NDST4: variants seen among roughly 807,000 people sequenced by gnomAD.
NDST4 encodes the protein N-heparan sulfate sulfotransferase 4.
A neutral mutation model predicts 100.8 loss-of-function variants in NDST4; 63 were observed. The ratio of observed to expected loss-of-function variants is 0.62; its 90% CI spans 0.51 to 0.77. The LOEUF (loss-of-function observed/expected upper bound fraction) is 0.77. Among genes scored for constraint, NDST4 ranks in the 30% least tolerant of loss-of-function variants. The pLI is 0.00. For missense variants in NDST4, 943 were observed against 1,018.4 expected, an observed-to-expected ratio of 0.93 and a Z score of 1.01; for synonymous variants, 377 against 361.8, an observed-to-expected ratio of 1.04 and a Z score of -0.48.
intron 6 of NDST4, among the ~76,000 whole-genome samples, chr4:114,918,175 A>C (rs1162401072): frequency 6.6e-6 from 1 of 152,120 alleles, no homozygotes; most frequent in African/African-American, 2.4e-5. Flanking sequence ...AACTTGTGCC[A>C]ACTTTATTAA....
At chr4:114,880,162 T>C (rs1724336240) in intron 6 of NDST4, among the ~76,000 whole-genome samples, 2 of 152,188 alleles carry the variant, frequency 1.3e-5, no homozygotes, top group Non-Finnish European at 2.9e-5. Flanking sequence ...CTATTTTTCT[T>C]GTACATTAAT....
At chr4:114,831,047 C>T (rs1723185833) in intron 12 of NDST4, among the ~76,000 whole-genome samples, 1 of 151,968 alleles carries the variant, frequency 6.6e-6, no homozygotes, top group South Asian at 2.1e-4. Flanking sequence ...CCAACCTGGA[C>T]TTTTCTTTTT....
intron 2 of NDST4, among the ~76,000 whole-genome samples, chr4:115,003,224 T>TA (rs1367632561): frequency 6.6e-6 from 1 of 152,146 alleles, no homozygotes; most frequent in Non-Finnish European, 1.5e-5. Flanking sequence ...TCTGCATATG[T>TA]ATCCCAGAAC....
At chr4:114,933,312 A>C (rs537333067) in intron 6 of NDST4, among the ~76,000 whole-genome samples, 1 of 152,252 alleles carries the variant, frequency 6.6e-6, no homozygotes, top group South Asian at 2.1e-4. Flanking sequence ...CACCATATTT[A>C]AAAATCAACT....
rs1578395038 is a variant in NDST4 at position 114,929,113 on chromosome 4, C to CATCCATCT, written c.1536+6092_1536+6093insAGATGGAT. On this transcript the variant is annotated intron_variant, in intron 6 of 13. Coordinates refer to ENST00000264363, the MANE Select transcript of NDST4 (RefSeq NM_022569.3). Reference sequence around the variant, plus strand: ...CCATCCATCCATCCATCCATCCATCCATCTATCTATCTATCTATCTATCTA... The same window carrying CATCCATCT: ...CCATCCATCCATCCATCCATCCATCCATCCATCTATCTATCTATCTATCTATCTATCTA... Among the ~76,000 whole-genome samples, 680 of 117,200 alleles carry CATCCATCT rather than the reference C, an allele frequency of 5.8e-3. 4 individuals carry two copies. The highest frequency in any genetic ancestry group is 0.019 in the East Asian group (75 of 4,024). 76.9% of individuals were successfully genotyped at this position (117,200 alleles called of 152,430 possible). A position where few individuals can be genotyped will look rare whatever the true frequency, so the allele number is the denominator to read the frequency against.
intron 2 of NDST4, among the ~76,000 whole-genome samples, chr4:115,048,780 G>A (rs1728519244): frequency 6.6e-6 from 1 of 152,040 alleles, no homozygotes; most frequent in African/African-American, 2.4e-5. Flanking sequence ...TGGGATTACA[G>A]GAAAGTGCCA....
At chr4:115,009,342 G>C (rs1727490797) in intron 2 of NDST4, among the ~76,000 whole-genome samples, 1 of 128,198 alleles carries the variant, frequency 7.8e-6, no homozygotes, top group Non-Finnish European at 1.7e-5. Context: ...CAGAGATATA[G>C]ATCAATGGAA....
At chr4:115,085,577 A>C (rs1729393542) in intron 1 of NDST4, among the ~76,000 whole-genome samples, 1 of 152,102 alleles carries the variant, frequency 6.6e-6, no homozygotes, top group South Asian at 2.1e-4. Flanking sequence ...TGCTGCTCTC[A>C]TGATACTGAG....
intron 6 of NDST4, among the ~76,000 whole-genome samples, chr4:114,898,851 T>C (rs1724771990): frequency 2.0e-5 from 3 of 152,292 alleles, no homozygotes; most frequent in Admixed American, 6.5e-5. Flanking sequence ...AGGGAAGCAA[T>C]TGACTTTTGT....
intron 7 of NDST4, among the ~76,000 whole-genome samples, chr4:114,856,054 T>C (rs557984204): frequency 3.0e-4 from 46 of 151,928 alleles, no homozygotes; most frequent in African/African-American, 1.1e-3. Flanking sequence ...AGCCCCTTCC[T>C]TTCCTTTCTT....
At chr4:114,930,217 A>G (rs1439739079) in intron 6 of NDST4, among the ~76,000 whole-genome samples, 2 of 152,236 alleles carry the variant, frequency 1.3e-5, no homozygotes, top group African/African-American at 4.8e-5. Flanking sequence ...TATCTCAGAT[A>G]TAGCTTTGGT....
chr4:114,863,609 C>T (rs771210395), intron 7 of NDST4, among the ~76,000 whole-genome samples: 1 of 152,168 alleles, frequency 6.6e-6, no homozygotes, highest in Non-Finnish European at 1.5e-5. Context: ...CAGATATTTA[C>T]TGGTTTAAGT....
chr4:114,934,553 CAA>C (rs60204040), intron 6 of NDST4, among the ~76,000 whole-genome samples: 6 of 117,324 alleles, frequency 5.1e-5, no homozygotes, highest in East Asian at 4.6e-4. Flanking sequence ...GACTGCCTCT[CAA>C]AAAAAAAAAA....
chr4:114,982,950 T>C (rs1041366054), intron 2 of NDST4, among the ~76,000 whole-genome samples: 4 of 152,120 alleles, frequency 2.6e-5, no homozygotes, highest in African/African-American at 7.2e-5. Context: ...ACAGCTCACG[T>C]TGTGGCTTCA....
intron 2 of NDST4, among the ~76,000 whole-genome samples, chr4:115,061,693 G>T (rs1443878016): frequency 6.6e-6 from 1 of 151,970 alleles, no homozygotes; most frequent in East Asian, 1.9e-4. Context: ...AAACCTAGAT[G>T]ACAGGTTGAT....
intron 11 of NDST4, among the ~76,000 whole-genome samples, chr4:114,837,501 A>G (rs1282569536): frequency 6.6e-6 from 1 of 152,172 alleles, no homozygotes; most frequent in East Asian, 1.9e-4. Context: ...GAAACACAAC[A>G]GAGGCCTCAG....
intron 6 of NDST4, among the ~76,000 whole-genome samples, chr4:114,909,773 C>A (rs1345538720): frequency 6.6e-6 from 1 of 150,548 alleles, no homozygotes; most frequent in African/African-American, 2.5e-5. Context: ...CTTGGGCAAA[C>A]ACTTATTGGT....
At chr4:114,984,141 ACT>A (rs1726844693) in intron 2 of NDST4, among the ~76,000 whole-genome samples, 1 of 138,578 alleles carries the variant, frequency 7.2e-6, no homozygotes, top group African/African-American at 2.7e-5. Context: ...ACAAACTAAT[ACT>A]ATTTATTTAT....
intron 6 of NDST4, among the ~76,000 whole-genome samples, chr4:114,927,622 C>T (rs927597921): frequency 1.3e-5 from 2 of 151,922 alleles, no homozygotes; most frequent in South Asian, 2.1e-4. Context: ...TTTACTTTCA[C>T]TGTCAGCTTT....
Sources: allele counts gnomAD v4.1 joint callset (sites outside exome capture counted in the v4.1 genomes callset), GRCh38; gene constraint gnomAD v4.1.1; transcripts MANE v1.5; gene names NCBI Gene and HGNC (gene_info 2026-07-23, HGNC 2026-07-21).